Variants in ACSM6 observed in about 807,000 individuals in gnomAD.
ACSM6 encodes acyl-coenzyme A synthetase ACSM6, mitochondrial.
Under a neutral mutation model 51.1 loss-of-function variants are expected in ACSM6, and 35 were observed. The ratio of observed to expected loss-of-function variants is 0.69; its 90% confidence interval spans 0.52 to 0.91. The LOEUF (loss-of-function observed/expected upper bound fraction) is 0.91, where lower values mean the gene tolerates loss of function less well. Ranked by LOEUF, ACSM6 falls within the 40% of genes least tolerant of loss-of-function variation. The probability of loss-of-function intolerance (pLI) is 0.00; values close to 1 mark genes in which losing one functional copy is unlikely to be tolerated. For synonymous variants in ACSM6, 172 were observed against 207.3 expected, an observed-to-expected ratio of 0.83 and a Z score of 1.46; for missense variants, 509 against 584.1, an observed-to-expected ratio of 0.87 and a Z score of 1.32.
chr10:95,209,285 A>C (rs1364017665), intron 4 of ACSM6, among the ~76,000 whole-genome samples: 1 of 152,170 alleles, frequency 6.6e-6, no homozygotes, highest in African/African-American at 2.4e-5. Context: ...TGAGGAACAG[A>C]AAGAACACCA....
intron 9 of ACSM6, among the ~76,000 whole-genome samples, chr10:95,224,651 C>G (rs985885579): frequency 3.3e-5 from 5 of 152,206 alleles, no homozygotes; most frequent in Admixed American, 2.6e-4. Flanking sequence ...CTGCCCACCT[C>G]GGCCTCCCAA....
exon 4 of ACSM6, chr10:95,207,231 C>T (rs1200264781): frequency 1.9e-6 from 3 of 1,614,078 alleles, no homozygotes; most frequent in East Asian, 4.5e-5. Flanking sequence ...GCCTGGGAGC[C>T]CCCAGCTGAC....
intron 2 of ACSM6, among the ~76,000 whole-genome samples, chr10:95,200,928 C>T (rs2034788850): frequency 6.6e-6 from 1 of 152,098 alleles, no homozygotes; most frequent in African/African-American, 2.4e-5. Context: ...GAGAAGAGGA[C>T]AAACCCGTGT....
At chr10:95,227,987 C>T (rs1422275901) in intron 10 of ACSM6, among the ~76,000 whole-genome samples, 1 of 152,044 alleles carries the variant, frequency 6.6e-6, no homozygotes, top group Non-Finnish European at 1.5e-5. Flanking sequence ...ACGAGAATCA[C>T]TTGAACCTGG....
In ACSM6 at chr10:95,227,942, G is replaced by A. The variant is rs186730394; in HGVS notation, c.1303-702G>A. ...AAAAATTAGCCGGGCTTGGTGATCG[G>A]CGCCTGTAATCCCAGCTACTGGGGA... On this transcript the variant is annotated intron_variant, in intron 10 of 10. Coordinates refer to ENST00000341686, the Ensembl canonical transcript of ACSM6. Among the ~76,000 whole-genome samples, 282 of 152,134 alleles carry A rather than the reference G, an allele frequency of 1.9e-3. 2 individuals carry two copies. Among genetic ancestry groups the A allele is most frequent in the Middle Eastern group, 0.01 (3 of 294 alleles).
intron 2 of ACSM6, among the ~76,000 whole-genome samples, chr10:95,200,300 G>A (rs2034778603): frequency 7.6e-6 from 1 of 132,442 alleles, no homozygotes; most frequent in Admixed American, 9.2e-5. Flanking sequence ...TGAACAATGA[G>A]CACACATGGA....
At chr10:95,199,299 T>C (rs1044866875) in intron 2 of ACSM6, among the ~76,000 whole-genome samples, 1 of 145,016 alleles carries the variant, frequency 6.9e-6, no homozygotes, top group Non-Finnish European at 1.5e-5. Context: ...GCTAGCCATA[T>C]GTAGAAAGCT....
intron 10 of ACSM6, 25 bp from the exon 11 acceptor site, chr10:95,228,617 AGG>A: frequency 1.9e-6 from 3 of 1,545,570 alleles, no homozygotes; most frequent in Non-Finnish European, 2.6e-6. Flanking sequence ...AAGTAAATGT[AGG>A]TTTCTGGATT....
intron 2 of ACSM6, chr10:95,201,470 C>T: frequency 2.2e-6 from 1 of 455,512 alleles, no homozygotes; most frequent in Non-Finnish European, 4.4e-6. Context: ...ATCCATGTTG[C>T]TGCAAAAGAC....
chr10:95,228,759 C>A, exon 11 of ACSM6: 1 of 1,551,420 alleles, frequency 6.4e-7, no homozygotes, highest in Non-Finnish European at 8.7e-7. Context: ...GATGATGTTG[C>A]CAATGCATTG....
rs753269755 is a variant in ACSM6, at chr10:95,212,050, A to G, written c.912+16A>G. 1.2e-6 allele frequency: 2 copies of G among 1,613,746 alleles called. No homozygotes were observed. Among genetic ancestry groups the G allele is most frequent in the African/African-American group, 2.7e-5 (2 of 75,018 alleles). ...TGTTCTAAATGTAAGATCAATTCCT[A>G]GTGTGGAATGTGTGGGACAAAGGCC... On this transcript the variant is annotated intron_variant, in intron 6 of 10. Transcript: ENST00000341686.
chr10:95,212,891 G>A (rs1320229577), exon 7 of ACSM6: 2 of 1,613,648 alleles, frequency 1.2e-6, no homozygotes, highest in African/African-American at 2.7e-5. Context: ...CACTCTATCT[G>A]CAAATCCAGA....
chr10:95,195,239 G>T (rs2034713575), intron 2 of ACSM6, among the ~76,000 whole-genome samples: 1 of 152,218 alleles, frequency 6.6e-6, no homozygotes, highest in Admixed American at 6.5e-5. Flanking sequence ...AAGGAAATAA[G>T]TATAAGTATG....
intron 7 of ACSM6, 54 bp from the exon 8 acceptor site, chr10:95,214,798 G>A: frequency 6.5e-7 from 1 of 1,533,172 alleles, no homozygotes; most frequent in Non-Finnish European, 8.8e-7. Context: ...TAACAGACCT[G>A]TTATTGGTAG....
chr10:95,225,185 C>A, intron 9 of ACSM6, 105 bp from the exon 10 acceptor site: 1 of 813,542 alleles, frequency 1.2e-6, no homozygotes, highest in Non-Finnish European at 2.0e-6. Context: ...ACTTTCCTGG[C>A]ATCTTAAATG....
chr10:95,198,797 G>C (rs192382806), intron 2 of ACSM6, among the ~76,000 whole-genome samples: 2 of 152,270 alleles, frequency 1.3e-5, no homozygotes, highest in East Asian at 3.9e-4. Flanking sequence ...ATTGGTCATG[G>C]GAGGAGAAGG....
chr10:95,207,064 C>A, intron 3 of ACSM6, 144 bp from the exon 4 acceptor site: 1 of 706,672 alleles, frequency 1.4e-6, no homozygotes, highest in South Asian at 1.9e-5. Flanking sequence ...CCCCAGTCGC[C>A]ATCGTGTTAC....
chr10:95,210,561 A>C, intron 4 of ACSM6, 89 bp from the exon 5 acceptor site: 1 of 1,320,732 alleles, frequency 7.6e-7, no homozygotes, highest in Non-Finnish European at 1.0e-6. Context: ...GTTATTTTTT[A>C]AAATCAGAGA....
chr10:95,219,994 A>G, intron 9 of ACSM6, 23 bp downstream of exon 9: 1 of 1,545,518 alleles, frequency 6.5e-7, no homozygotes, highest in East Asian at 2.2e-5. Flanking sequence ...AGTAATGATT[A>G]TGACAGATAT....
Sources: gnomAD v4.1 joint callset for allele counts (sites outside exome capture counted in the v4.1 genomes callset) on GRCh38, gnomAD v4.1.1 for gene constraint, MANE v1.5 for transcripts, NCBI Gene and HGNC (gene_info 2026-07-23, HGNC 2026-07-21) for gene names.